The following TAS2R1 variants were observed in gnomAD, a reference collection of about 807,000 sequenced individuals.
TAS2R1 encodes the protein taste 2 receptor member 1.
For missense variants in TAS2R1, 370 were observed against 353.4 expected (o/e 1.05, Z -0.38); for synonymous variants, 141 against 134.2 (o/e 1.05, Z -0.35).
the TAS2R1 span, among the ~76,000 whole-genome samples, chr5:9,903,341 C>T: frequency 6.6e-6 from 1 of 152,040 alleles, no homozygotes; most frequent in Admixed American, 6.6e-5. Flanking sequence ...TTTATTTTTT[C>T]CAATAGGTTT....
At chr5:9,817,852 C>T in the TAS2R1 span, among the ~76,000 whole-genome samples, 1 of 146,656 alleles carries the variant, frequency 6.8e-6, no homozygotes, top group Non-Finnish European at 1.5e-5. Flanking sequence ...CCTTGTCTTA[C>T]ATGGAGGCAG....
At chr5:9,864,589 C>T in the TAS2R1 span, among the ~76,000 whole-genome samples, 27 of 150,740 alleles carry the variant, frequency 1.8e-4, no homozygotes, top group South Asian at 3.2e-3. Flanking sequence ...GCCAAGATCG[C>T]GCCACTTCAC....
chr5:9,765,401 T>A, the TAS2R1 span: 1 of 152,084 alleles, frequency 6.6e-6, no homozygotes, highest in African/African-American at 2.4e-5. Context: ...AAATAATATA[T>A]TTTAAGTGCC....
the TAS2R1 span, among the ~76,000 whole-genome samples, chr5:9,872,529 T>C: frequency 6.6e-6 from 1 of 152,238 alleles, no homozygotes; most frequent in African/African-American, 2.4e-5. Flanking sequence ...TGGAAATAGA[T>C]ATTTAATTAG....
At chr5:9,894,361 G>A in the TAS2R1 span, among the ~76,000 whole-genome samples, 12 of 151,328 alleles carry the variant, frequency 7.9e-5, no homozygotes, top group South Asian at 2.1e-4. Flanking sequence ...CCAAGATCAC[G>A]CCATTGTACT....
At chr5:9,673,096 A>G (rs1319047615) in intron 1 of TAS2R1, among the ~76,000 whole-genome samples, 1 of 152,210 alleles carries the variant, frequency 6.6e-6, no homozygotes, top group African/African-American at 2.4e-5. Flanking sequence ...AACATTCATT[A>G]CACATGAACA....
the TAS2R1 span, among the ~76,000 whole-genome samples, chr5:9,878,194 T>C: frequency 2.0e-5 from 3 of 152,178 alleles, no homozygotes; most frequent in Non-Finnish European, 2.9e-5. Flanking sequence ...GAGAATAAAA[T>C]GCAATATAAA....
At chr5:9,900,891 G>A in the TAS2R1 span, among the ~76,000 whole-genome samples, 1 of 152,128 alleles carries the variant, frequency 6.6e-6, no homozygotes, top group Non-Finnish European at 1.5e-5. Context: ...CTGCTCAAAC[G>A]GATTTAATTT....
the TAS2R1 span, among the ~76,000 whole-genome samples, chr5:9,726,963 G>T: frequency 6.6e-6 from 1 of 152,164 alleles, no homozygotes. Context: ...TGACAGAGGG[G>T]CCCATCATCA....
At chr5:9,809,616 C>T in the TAS2R1 span, among the ~76,000 whole-genome samples, 2 of 152,140 alleles carry the variant, frequency 1.3e-5, no homozygotes, top group African/African-American at 4.8e-5. Context: ...TTATTTAAGC[C>T]ACCCAGTCTG....
chr5:9,739,315 C>T, the TAS2R1 span, among the ~76,000 whole-genome samples: 4 of 152,170 alleles, frequency 2.6e-5, no homozygotes, highest in East Asian at 7.7e-4. Context: ...ACCTTCCCCA[C>T]CCCTCATCTG....
At chr5:9,858,761 C>T in the TAS2R1 span, among the ~76,000 whole-genome samples, 1 of 152,138 alleles carries the variant, frequency 6.6e-6, no homozygotes, top group Non-Finnish European at 1.5e-5. Flanking sequence ...TACAGGGGTG[C>T]TTTCTTTAAA....
chr5:9,656,359 C>T (rs550363379), intron 2 of TAS2R1, among the ~76,000 whole-genome samples: 6 of 152,204 alleles, frequency 3.9e-5, no homozygotes, highest in South Asian at 4.1e-4. Context: ...CTGAACCAAT[C>T]GCATATGTAG....
At chr5:9,884,240 C>T in the TAS2R1 span, among the ~76,000 whole-genome samples, 24 of 151,900 alleles carry the variant, frequency 1.6e-4, no homozygotes, top group Admixed American at 5.3e-4. Flanking sequence ...CTTTGGGAGG[C>T]GGAGGTGGGT....
At chr5:9,859,122 T>C in the TAS2R1 span, among the ~76,000 whole-genome samples, 1 of 152,208 alleles carries the variant, frequency 6.6e-6, no homozygotes, top group Non-Finnish European at 1.5e-5. Flanking sequence ...AAAATGGTCC[T>C]TTGCTGCCTA....
At chr5:9,692,444 C>G (rs17272946) in intron 1 of TAS2R1, among the ~76,000 whole-genome samples, 6,362 of 152,226 alleles carry the variant, frequency 0.042, 183 homozygotes, top group Non-Finnish European at 0.059. Flanking sequence ...TCCTATGAAT[C>G]CCAGTGGTTG....
chr5:9,719,918 C>CAAAAAAAAAA, the TAS2R1 span, among the ~76,000 whole-genome samples: 6 of 64,126 alleles, frequency 9.4e-5, no homozygotes, highest in Admixed American at 3.4e-4. Context: ...GATTCCGATT[C>CAAAAAAAAAA]AAAAAAAAAA....
At chr5:9,794,619 C>G in the TAS2R1 span, among the ~76,000 whole-genome samples, 1 of 152,042 alleles carries the variant, frequency 6.6e-6, no homozygotes, top group Non-Finnish European at 1.5e-5. Flanking sequence ...AAAAATTGAG[C>G]CTCTATTTAA....
the TAS2R1 span, among the ~76,000 whole-genome samples, chr5:9,736,305 T>C: frequency 2.0e-5 from 3 of 152,232 alleles, no homozygotes; most frequent in Admixed American, 6.5e-5. Flanking sequence ...ACTGCAGCTA[T>C]GGTCTAGCAG....
Sources: gnomAD v4.1 joint callset for allele counts (sites outside exome capture counted in the v4.1 genomes callset) on GRCh38, gnomAD v4.1.1 for gene constraint, MANE v1.5 for transcripts, NCBI Gene and HGNC (gene_info 2026-07-23, HGNC 2026-07-21) for gene names.